BCL9: variants seen among roughly 807,000 people sequenced by gnomAD.
The protein encoded by BCL9 is B-cell CLL/lymphoma 9 protein.
In BCL9, 25 loss-of-function variants were observed where a neutral mutation model predicts 88.5. The ratio of observed to expected loss-of-function variants is 0.28; its 90% CI spans 0.21 to 0.39. The LOEUF (loss-of-function observed/expected upper bound fraction) is 0.39, where lower values mean the gene tolerates loss of function less well. Among genes scored for constraint, BCL9 ranks in the 10% least tolerant of loss-of-function variants. The pLI is 1.00. For synonymous variants in BCL9, 711 were observed against 673.3 expected, an observed-to-expected ratio of 1.06 and a Z score of -0.87; for missense variants, 1,817 against 1,877.8, an observed-to-expected ratio of 0.97 and a Z score of 0.60.
rs1193157535 is a variant in BCL9, at chr1:147,625,927, CT to C, written c.*974del. On this transcript the variant is annotated 3_prime_UTR_variant, in exon 10 of 10. Coordinates refer to ENST00000234739, the MANE Select transcript of BCL9 (RefSeq NM_004326.4). ...GTCTGTCCTTGGGATGCTCTCTGGTCTTTTTTCCCCCTAAGTCTTTCTCTTT... is the reference window on the plus strand; with the variant it reads ...GTCTGTCCTTGGGATGCTCTCTGGTCTTTTTCCCCCTAAGTCTTTCTCTTT... 8 of 232,892 alleles carry C rather than the reference CT, an allele frequency of 3.4e-5. No homozygotes were observed. The highest frequency in any genetic ancestry group is 1.7e-4 in the Admixed American group (3 of 17,756). The allele number at this position is 232,892 out of a possible 1,614,324, so 14.4% of individuals were successfully genotyped here.
At chr1:147,615,969 G>C (rs1658261535) in intron 7 of BCL9, 67 bp downstream of exon 7, 2 of 1,471,068 alleles carry the variant, frequency 1.4e-6, no homozygotes, top group Admixed American at 3.6e-5. Flanking sequence ...AAAGGAGGTG[G>C]TGAATTTAAT....
At chr1:147,582,114 C>T (rs1402146785) in intron 1 of BCL9, among the ~76,000 whole-genome samples, 2 of 152,158 alleles carry the variant, frequency 1.3e-5, no homozygotes, top group Non-Finnish European at 2.9e-5. Flanking sequence ...TATGTATATG[C>T]TTTGCAAAAT....
At chr1:147,552,301 T>C (rs148546656) in intron 1 of BCL9, among the ~76,000 whole-genome samples, 179 of 152,250 alleles carry the variant, frequency 1.2e-3, no homozygotes, top group African/African-American at 4.1e-3. Context: ...TAAAGTAGCA[T>C]TGTAATGACT....
intron 1 of BCL9, among the ~76,000 whole-genome samples, chr1:147,545,468 A>G (rs587624992): frequency 1.3e-5 from 2 of 152,316 alleles, no homozygotes; most frequent in Admixed American, 6.5e-5. Flanking sequence ...ATCTGGTCAG[A>G]GGAAAGATTT....
At chr1:147,599,108 G>A (rs1657187674) in intron 1 of BCL9, among the ~76,000 whole-genome samples, 3 of 152,236 alleles carry the variant, frequency 2.0e-5, no homozygotes, top group South Asian at 2.1e-4. Flanking sequence ...GGTTCCCTCT[G>A]TGGGCACCAG....
chr1:147,618,516 C>T (rs980227038), intron 7 of BCL9, among the ~76,000 whole-genome samples: 5 of 152,130 alleles, frequency 3.3e-5, no homozygotes, highest in Admixed American at 2.6e-4. Context: ...AAACCTGTTC[C>T]TCAAAATAGA....
intron 3 of BCL9, among the ~76,000 whole-genome samples, chr1:147,610,971 T>G (rs1376711161): frequency 2.6e-5 from 4 of 152,164 alleles, no homozygotes; most frequent in Non-Finnish European, 5.9e-5. Flanking sequence ...TGGCATAATT[T>G]AATAGAAAGA....
At chr1:147,559,215 A>G (rs1323582208) in intron 1 of BCL9, among the ~76,000 whole-genome samples, 7 of 148,740 alleles carry the variant, frequency 4.7e-5, no homozygotes, top group Non-Finnish European at 8.9e-5. Context: ...ATTTTGTAAC[A>G]TCCTCAAATG....
rs781805742 is a variant in BCL9 at position 147,611,722 on chromosome 1, G to A, written c.-115G>A. On this transcript the variant is annotated 5_prime_UTR_variant, in exon 4 of 10. Transcript: ENST00000234739. ...ATACAGGCAGCGAGCGCTAAGGGACGCACCCAGCAAGCAGTGGGCCAGTGC... is the reference window on the plus strand; with the variant it reads ...ATACAGGCAGCGAGCGCTAAGGGACACACCCAGCAAGCAGTGGGCCAGTGC... 281 of 975,950 alleles carry A rather than the reference G, an allele frequency of 2.9e-4. 1 individual carries two copies. The highest frequency in any genetic ancestry group is 3.1e-4 in the Admixed American group (17 of 54,822). The allele number at this position is 975,950 out of a possible 1,614,324, so 60.5% of individuals were successfully genotyped here.
intron 4 of BCL9, 104 bp from the exon 5 acceptor site, chr1:147,612,779 G>A: frequency 8.6e-7 from 1 of 1,158,852 alleles, no homozygotes; most frequent in Non-Finnish European, 1.2e-6. Context: ...GGTTATTTTA[G>A]TCCTAAGGGT....
Position 147,624,683 on chromosome 1 carries a change from A to C in BCL9, c.4005A>C (p.Ser1335=). ...TGGGACCTCACCATCGGATGATGTC[A>C]CCAGCACAATCTACAATGCCCGGCC... ...GMMGPHHRMM[S]PAQSTMPGQP... Residue 1335 remains serine (S), a synonymous_variant, in exon 10 of 10, where the codon TCA becomes TCC. Coordinates refer to ENST00000234739, the MANE Select transcript of BCL9 (RefSeq NM_004326.4). The surrounding 1 kb of genome is among the most constrained non-coding windows in gnomAD (Gnocchi z 4.4). 1 of 1,614,120 alleles carries C rather than the reference A, an allele frequency of 6.2e-7. No individual in the cohort carries two copies. Among genetic ancestry groups the C allele is most frequent in the Non-Finnish European group, 8.5e-7 (1 of 1,180,010 alleles).
At chr1:147,601,018 A>C (rs1251320113) in intron 1 of BCL9, among the ~76,000 whole-genome samples, 2 of 152,128 alleles carry the variant, frequency 1.3e-5, no homozygotes, top group African/African-American at 2.4e-5. Context: ...AAACAACAGC[A>C]GGGTTGGTTA....
At chr1:147,584,822 G>C (rs368442099) in intron 1 of BCL9, among the ~76,000 whole-genome samples, 17 of 152,338 alleles carry the variant, frequency 1.1e-4, no homozygotes, top group East Asian at 7.7e-4. Flanking sequence ...TACTAAACAA[G>C]AGATGAGGGC....
rs1225790584 is a variant in BCL9 at position 147,604,904 on chromosome 1, A to T, written c.-350A>T. 6.6e-6 allele frequency: 1 copy of T among 152,192 alleles called. No individual in the cohort carries two copies. The highest frequency in any genetic ancestry group is 2.4e-5 in the African/African-American group (1 of 41,440). 9.4% of individuals were successfully genotyped at this position (152,192 alleles called of 1,614,324 possible). A position where few individuals can be genotyped will look rare whatever the true frequency, so the allele number is the denominator to read the frequency against. On this transcript the variant is annotated 5_prime_UTR_variant, in exon 2 of 10. Coordinates refer to ENST00000234739, the MANE Select transcript of BCL9 (RefSeq NM_004326.4). ...GTAGAAGAAATAGCAAATTGGACAT[A>T]TTGAAAGGTAAAGAATATTCTGATA...
chr1:147,546,566 T>G (rs1363591028), intron 1 of BCL9, among the ~76,000 whole-genome samples: 1 of 152,190 alleles, frequency 6.6e-6, no homozygotes, highest in Non-Finnish European at 1.5e-5. Context: ...GGAATTGGAC[T>G]AAATCATCTT....
At chr1:147,566,535 T>C (rs1655603844) in intron 1 of BCL9, among the ~76,000 whole-genome samples, 1 of 151,766 alleles carries the variant, frequency 6.6e-6, no homozygotes, top group Admixed American at 6.6e-5. Flanking sequence ...GGCAGGCGGA[T>C]CACGAGGTCC....
At chr1:147,596,416 C>CTTTTTT in intron 1 of BCL9, among the ~76,000 whole-genome samples, 1 of 140,890 alleles carries the variant, frequency 7.1e-6, no homozygotes, top group Non-Finnish European at 1.5e-5. Context: ...TTTTTCTTTT[C>CTTTTTT]TTTTTTTTTT....
At chr1:147,584,068 A>G (rs1212215391) in intron 1 of BCL9, among the ~76,000 whole-genome samples, 2 of 141,792 alleles carry the variant, frequency 1.4e-5, no homozygotes, top group African/African-American at 5.3e-5. Context: ...TTTTTTTGAG[A>G]TGGAGTTTCA....
chr1:147,601,923 C>T (rs1187394371), intron 1 of BCL9, among the ~76,000 whole-genome samples: 6 of 152,122 alleles, frequency 3.9e-5, no homozygotes, highest in African/African-American at 9.7e-5. Context: ...TTTTTTGAGA[C>T]GGAGTCTCGC....
Sources: allele counts gnomAD v4.1 joint callset (sites outside exome capture counted in the v4.1 genomes callset), GRCh38; gene constraint gnomAD v4.1.1; non-coding constraint Gnocchi (gnomAD v3.1); transcripts MANE v1.5; gene names NCBI Gene and HGNC (gene_info 2026-07-23, HGNC 2026-07-21).